Variants in JAM3 observed in about 807,000 individuals in gnomAD.
The protein encoded by JAM3 is junctional adhesion molecule C.
A neutral mutation model predicts 39.4 loss-of-function variants in JAM3; 31 were observed. That is an observed-to-expected ratio of 0.79 (90% CI 0.59 to 1.06). JAM3 has a LOEUF of 1.06. JAM3 is among the 50% of genes least tolerant of loss of function. The probability of loss-of-function intolerance (pLI) is 0.00; values close to 1 mark genes in which losing one functional copy is unlikely to be tolerated. For missense variants in JAM3, 455 were observed against 391.4 expected, an observed-to-expected ratio of 1.16 and a Z score of -1.37; for synonymous variants, 182 against 148.7, an observed-to-expected ratio of 1.22 and a Z score of -1.63.
intron 1 of JAM3, among the ~76,000 whole-genome samples, chr11:134,110,274 C>A (rs901824979): frequency 5.3e-5 from 8 of 152,008 alleles, no homozygotes; most frequent in Non-Finnish European, 8.8e-5. Flanking sequence ...AAAAGATAGA[C>A]CTATTATTTG....
At chr11:134,076,142 CT>C (rs376672437) in intron 1 of JAM3, among the ~76,000 whole-genome samples, 1,358 of 126,238 alleles carry the variant, frequency 0.011, 21 homozygotes, top group African/African-American at 0.039. Context: ...CTTTTCTTTT[CT>C]TTTCTTTCTT....
At chr11:134,101,550 C>G (rs1211002702) in intron 1 of JAM3, among the ~76,000 whole-genome samples, 1 of 152,130 alleles carries the variant, frequency 6.6e-6, no homozygotes, top group Non-Finnish European at 1.5e-5. Flanking sequence ...CTAAGGCATT[C>G]CTGTTGATAA....
At chr11:134,103,809 A>T (rs966652782) in intron 1 of JAM3, among the ~76,000 whole-genome samples, 1 of 152,232 alleles carries the variant, frequency 6.6e-6, no homozygotes, top group African/African-American at 2.4e-5. Flanking sequence ...AGAATAGCTA[A>T]CTATCCTAAA....
At chr11:134,114,217 T>A (rs1168735363) in intron 1 of JAM3, among the ~76,000 whole-genome samples, 1 of 152,246 alleles carries the variant, frequency 6.6e-6, no homozygotes, top group East Asian at 1.9e-4. Flanking sequence ...CATTTGTCAA[T>A]TTTGGCTTTT....
chr11:134,132,856 C>G (rs1467598910), intron 1 of JAM3, among the ~76,000 whole-genome samples: 1 of 152,164 alleles, frequency 6.6e-6, no homozygotes, highest in African/African-American at 2.4e-5. Flanking sequence ...CACTGAGCCT[C>G]CAATGATTCA....
intron 1 of JAM3, among the ~76,000 whole-genome samples, chr11:134,086,096 G>A (rs191419097): frequency 6.6e-6 from 1 of 152,176 alleles, no homozygotes; most frequent in Admixed American, 6.6e-5. Context: ...CTGTAGAGAG[G>A]TGATTGTAAT....
At chr11:134,102,936 CT>C in intron 1 of JAM3, among the ~76,000 whole-genome samples, 1 of 152,280 alleles carries the variant, frequency 6.6e-6, no homozygotes, top group Middle Eastern at 3.4e-3. Context: ...GGAAAACACT[CT>C]GCAGGATATT....
chr11:134,099,493 T>G (rs1942037581), intron 1 of JAM3, among the ~76,000 whole-genome samples: 2 of 152,252 alleles, frequency 1.3e-5, no homozygotes. Context: ...GATAAGACAG[T>G]ATTTGTCATC....
chr11:134,143,165 C>A (rs1380913057), intron 3 of JAM3, among the ~76,000 whole-genome samples: 1 of 152,160 alleles, frequency 6.6e-6, no homozygotes, highest in African/African-American at 2.4e-5. Context: ...GTTTAAAAAA[C>A]CGACAGAGTG....
At chr11:134,094,069 T>C (rs1330545736) in intron 1 of JAM3, among the ~76,000 whole-genome samples, 7 of 130,568 alleles carry the variant, frequency 5.4e-5, no homozygotes, top group Non-Finnish European at 1.2e-4. Context: ...CCCTCCTTAT[T>C]CATCATGTTC....
intron 3 of JAM3, among the ~76,000 whole-genome samples, chr11:134,142,018 C>T (rs470809): frequency 0.4 from 60,237 of 151,674 alleles, 12,987 homozygotes; most frequent in African/African-American, 0.58. Flanking sequence ...CCTCCTTTGC[C>T]TCTTATTTTT....
At chr11:134,124,753 G>A (rs1390024533) in intron 1 of JAM3, among the ~76,000 whole-genome samples, 1 of 152,186 alleles carries the variant, frequency 6.6e-6, no homozygotes, top group South Asian at 2.1e-4. Context: ...AGGCCGGTCG[G>A]TGTGTCCAGG....
chr11:134,144,108 T>A (rs1943025398), intron 3 of JAM3, 133 bp from the exon 4 acceptor site: 1 of 846,198 alleles, frequency 1.2e-6, no homozygotes, highest in Non-Finnish European at 1.9e-6. Flanking sequence ...ACTTCTGTAC[T>A]CGGGAATAGA....
At chr11:134,114,002 T>G (rs989042292) in intron 1 of JAM3, among the ~76,000 whole-genome samples, 36 of 152,306 alleles carry the variant, frequency 2.4e-4, no homozygotes, top group African/African-American at 8.4e-4. Context: ...TTTTCAGAAG[T>G]GTCTGTTCAT....
At chr11:134,119,962 G>A (rs1942503089) in intron 1 of JAM3, among the ~76,000 whole-genome samples, 1 of 152,138 alleles carries the variant, frequency 6.6e-6, no homozygotes, top group Non-Finnish European at 1.5e-5. Flanking sequence ...ACCCATATTT[G>A]ATCGATTTAC....
chr11:134,106,984 A>G (rs1168105599), intron 1 of JAM3, among the ~76,000 whole-genome samples: 3 of 152,210 alleles, frequency 2.0e-5, no homozygotes, highest in African/African-American at 7.2e-5. Flanking sequence ...ATTACTGGGT[A>G]TATACCCAAA....
chr11:134,118,582 C>T (rs1942479464), intron 1 of JAM3, among the ~76,000 whole-genome samples: 1 of 152,132 alleles, frequency 6.6e-6, no homozygotes, highest in Admixed American at 6.5e-5. Context: ...TGCCTGTCTC[C>T]CACCAACCCC....
chr11:134,128,094 AAAG>A (rs1478657387), intron 1 of JAM3, among the ~76,000 whole-genome samples: 3 of 152,160 alleles, frequency 2.0e-5, no homozygotes, highest in Admixed American at 1.3e-4. Flanking sequence ...AAGAAAGAAA[AAAG>A]AAAGGTTTTC....
intron 1 of JAM3, among the ~76,000 whole-genome samples, chr11:134,088,999 G>A (rs1195416261): frequency 6.6e-6 from 1 of 152,200 alleles, no homozygotes; most frequent in East Asian, 1.9e-4. Context: ...GGAGGTGTCA[G>A]TTCACCATTA....
Sources: gnomAD v4.1 joint callset for allele counts (sites outside exome capture counted in the v4.1 genomes callset) on GRCh38, gnomAD v4.1.1 for gene constraint, MANE v1.5 for transcripts, NCBI Gene and HGNC (gene_info 2026-07-23, HGNC 2026-07-21) for gene names.